The following CATSPERB variants were observed in gnomAD, a reference collection of about 807,000 sequenced individuals.
The protein encoded by CATSPERB is cation channel sperm-associated auxiliary subunit beta.
A neutral mutation model predicts 128.3 loss-of-function variants in CATSPERB; 93 were observed. The observed-to-expected ratio is 0.72, with a 90% confidence interval of 0.61 to 0.86. The LOEUF is 0.86. Ranked by LOEUF, CATSPERB falls within the 40% of genes least tolerant of loss-of-function variation. The probability of loss-of-function intolerance (pLI) is 0.00; values close to 1 mark genes in which losing one functional copy is unlikely to be tolerated. For missense variants in CATSPERB, 1,153 were observed against 1,329.5 expected, an observed-to-expected ratio of 0.87 and a Z score of 2.06; for synonymous variants, 381 against 448.8, an observed-to-expected ratio of 0.85 and a Z score of 1.91.
intron 7 of CATSPERB, among the ~76,000 whole-genome samples, chr14:91,703,074 T>G (rs1895677624): frequency 6.6e-6 from 1 of 152,092 alleles, no homozygotes; most frequent in Non-Finnish European, 1.5e-5. Flanking sequence ...TCTACAGATC[T>G]TTTTGGATTT....
rs375076511 is a variant in CATSPERB, at chr14:91,608,289, T to A, written c.2709+5A>T. The A allele has an allele frequency of 1.3e-4, 200 of 1,561,458 alleles. No individual in the cohort carries two copies. In the African/African-American group the frequency reaches 2.4e-3, roughly 19 times the overall value. On this transcript the variant is annotated splice_donor_5th_base_variant and intron_variant, in intron 22 of 26. Coordinates refer to ENST00000256343, the MANE Select transcript of CATSPERB (RefSeq NM_024764.4). Reference sequence around the variant, plus strand: ...TGCTAGATTATTTGTAAAAAAGTTATTTACCTTTGACATGTGAAACATGTT... The same window carrying A: ...TGCTAGATTATTTGTAAAAAAGTTAATTACCTTTGACATGTGAAACATGTT...
intron 15 of CATSPERB, among the ~76,000 whole-genome samples, chr14:91,652,670 CAAAAAAAAAAAAAAAAAAAAA>C (rs58608847): frequency 1.4e-5 from 1 of 69,166 alleles, no homozygotes; most frequent in African/African-American, 6.0e-5. Context: ...GACTCTGTCT[CAAAAAAAAAAAAAAAAAAAAA>C]AAAAAAAAAA....
At chr14:91,665,181 C>T (rs532449434) in intron 14 of CATSPERB, among the ~76,000 whole-genome samples, 1 of 152,304 alleles carries the variant, frequency 6.6e-6, no homozygotes, top group South Asian at 2.1e-4. Flanking sequence ...GTGTGAGCCA[C>T]TGCACCCAGC....
chr14:91,720,402 A>C (rs1896009368), intron 4 of CATSPERB, among the ~76,000 whole-genome samples: 2 of 151,114 alleles, frequency 1.3e-5, no homozygotes, highest in Non-Finnish European at 2.9e-5. Context: ...AGGATACTAG[A>C]TCAACATATA....
intron 7 of CATSPERB, among the ~76,000 whole-genome samples, chr14:91,703,497 G>A (rs899156077): frequency 6.6e-6 from 1 of 152,156 alleles, no homozygotes; most frequent in African/African-American, 2.4e-5. Context: ...ATACCTTTAA[G>A]ATGTGGGGTG....
At chr14:91,602,000 A>C (rs996781983) in intron 22 of CATSPERB, among the ~76,000 whole-genome samples, 4 of 152,182 alleles carry the variant, frequency 2.6e-5, no homozygotes, top group Admixed American at 6.5e-5. Flanking sequence ...ATAAAGTATA[A>C]AATTAAATGT....
intron 7 of CATSPERB, among the ~76,000 whole-genome samples, chr14:91,695,642 T>C (rs536586988): frequency 1.6e-4 from 25 of 152,292 alleles, no homozygotes; most frequent in East Asian, 7.7e-4. Context: ...TTGTGAAAAG[T>C]TTAGCTTTTA....
intron 7 of CATSPERB, 136 bp downstream of exon 7, chr14:91,704,416 A>T: frequency 1.2e-6 from 1 of 815,606 alleles, no homozygotes; most frequent in Non-Finnish European, 1.9e-6. Context: ...ACAGTATTGA[A>T]TAATAAATTT....
At chr14:91,702,507 G>T (rs747487390) in intron 7 of CATSPERB, among the ~76,000 whole-genome samples, 6 of 151,804 alleles carry the variant, frequency 4.0e-5, no homozygotes, top group Non-Finnish European at 5.9e-5. Context: ...TCCCTATACT[G>T]ATGCATACTG....
At chr14:91,606,826 A>G (rs560533008) in intron 22 of CATSPERB, among the ~76,000 whole-genome samples, 25 of 152,204 alleles carry the variant, frequency 1.6e-4, no homozygotes, top group Non-Finnish European at 2.6e-4. Flanking sequence ...AAGATGGGGT[A>G]GTAATCATTA....
chr14:91,661,681 A>T (rs1743097), intron 14 of CATSPERB, among the ~76,000 whole-genome samples: 118,858 of 151,556 alleles, frequency 0.78, 46,837 homozygotes, highest in East Asian at 0.92. Context: ...TACAGGCATA[A>T]GCCACCATGC....
chr14:91,658,731 G>A, intron 15 of CATSPERB, among the ~76,000 whole-genome samples: 1 of 139,700 alleles, frequency 7.2e-6, no homozygotes, highest in African/African-American at 2.6e-5. Context: ...GGGAAGAGAA[G>A]GAAGAAACTA....
intron 17 of CATSPERB, among the ~76,000 whole-genome samples, chr14:91,626,957 C>T (rs1375984603): frequency 6.6e-6 from 1 of 152,118 alleles, no homozygotes; most frequent in Admixed American, 6.5e-5. Flanking sequence ...TTGGATAAAA[C>T]AGTGGATTAC....
chr14:91,625,010 A>G lies in CATSPERB; in HGVS notation c.1743-3T>C. The G allele has an allele frequency of 6.4e-7, 1 of 1,560,280 alleles. No homozygotes were observed. Among genetic ancestry groups the G allele is most frequent in the Non-Finnish European group, 8.6e-7 (1 of 1,159,236 alleles). On this transcript the variant is annotated splice_region_variant and splice_polypyrimidine_tract_variant and intron_variant, in intron 17 of 26. Coordinates refer to ENST00000256343, the MANE Select transcript of CATSPERB (RefSeq NM_024764.4). ...TTATGTAAGCTCTTCCAGTTTTCCT[A>G]AAAACAAATAAAACCATTAAGCAAT...
At chr14:91,731,746 T>A (rs1194068403) in intron 1 of CATSPERB, among the ~76,000 whole-genome samples, 184 bp downstream of exon 1, 2 of 152,156 alleles carry the variant, frequency 1.3e-5, no homozygotes, top group Non-Finnish European at 2.9e-5. Context: ...TGGATACAAG[T>A]CATGTATCTG....
chr14:91,625,701 C>A lies in CATSPERB; in HGVS notation c.1743-694G>T, dbSNP rs368414247. Among the ~76,000 whole-genome samples the A allele has an allele frequency of 3.9e-5, 6 of 152,212 alleles. No individual in the cohort carries two copies. In the South Asian group the frequency reaches 6.2e-4, roughly 16 times the overall value. On this transcript the variant is annotated intron_variant, in intron 17 of 26. Coordinates refer to ENST00000256343, the MANE Select transcript of CATSPERB (RefSeq NM_024764.4). ...TTCAATTATCTTAATATTTTTCTGC[C>A]TTTTAGGAAATTTCTATACTGAGCA...
chr14:91,613,652 GA>G (rs540596600), intron 20 of CATSPERB, among the ~76,000 whole-genome samples: 267 of 151,926 alleles, frequency 1.8e-3, no homozygotes, highest in African/African-American at 6.2e-3. Context: ...TGACAGCAAA[GA>G]AAAAAAACAA....
intron 15 of CATSPERB, chr14:91,646,070 G>A: frequency 6.5e-6 from 1 of 154,562 alleles, no homozygotes; most frequent in Non-Finnish European, 1.4e-5. Flanking sequence ...TTCGGCTCGC[G>A]CACGGTGCGC....
rs1281567428 is a variant in CATSPERB, at chr14:91,693,497, G to T, written c.617-18C>A. Reference sequence around the variant, plus strand: ...GTAAACACCTACCATGAAACAAAAGGAAAATTAAAGCCAGGCAACTTTACA... The same window carrying T: ...GTAAACACCTACCATGAAACAAAAGTAAAATTAAAGCCAGGCAACTTTACA... On this transcript the variant is annotated intron_variant, in intron 7 of 26. Coordinates refer to ENST00000256343, the MANE Select transcript of CATSPERB (RefSeq NM_024764.4). 3 of 1,599,770 alleles carry T rather than the reference G, an allele frequency of 1.9e-6. No homozygotes were observed. In the African/African-American group the frequency reaches 4.0e-5, roughly 21 times the overall value.
Sources: gnomAD v4.1 joint callset for allele counts (sites outside exome capture counted in the v4.1 genomes callset) on GRCh38, gnomAD v4.1.1 for gene constraint, MANE v1.5 for transcripts, NCBI Gene and HGNC (gene_info 2026-07-23, HGNC 2026-07-21) for gene names.